Variants in AFF2 observed in about 807,000 individuals in gnomAD.
The protein encoded by AFF2 is AF4/FMR2 family member 2.
Under a neutral mutation model 76.9 loss-of-function variants are expected in AFF2, and 14 were observed. The ratio of observed to expected loss-of-function variants is 0.18; its 90% CI spans 0.12 to 0.28. The LOEUF is 0.28. Among genes scored for constraint, AFF2 ranks in the 10% least tolerant of loss-of-function variants. The pLI is 1.00. For missense variants in AFF2, 868 were observed against 1,001.1 expected, an observed-to-expected ratio of 0.87 and a Z score of 1.79; for synonymous variants, 398 against 366.7, an observed-to-expected ratio of 1.09 and a Z score of -0.98.
chrX:148,668,094 G>A (rs2054378496), intron 3 of AFF2, among the ~76,000 whole-genome samples: 1 of 112,876 alleles, frequency 8.9e-6, no homozygotes, highest in South Asian at 3.6e-4. Context: ...AAACAAAGGG[G>A]CTACAGGCCC....
intron 12 of AFF2, among the ~76,000 whole-genome samples, chrX:148,959,904 T>C (rs781890294): frequency 8.9e-6 from 1 of 112,697 alleles, no homozygotes; most frequent in South Asian, 3.7e-4. Context: ...CTTGGACCAG[T>C]TTGGGCCATC....
chrX:148,842,093 G>A (rs1232287841), intron 5 of AFF2, among the ~76,000 whole-genome samples: 2 of 112,441 alleles, frequency 1.8e-5, no homozygotes, highest in African/African-American at 6.5e-5. Flanking sequence ...TTGGAACAAT[G>A]ATTGATATAA....
At chrX:148,774,927 T>C (rs1186867431) in intron 3 of AFF2, among the ~76,000 whole-genome samples, 1 of 112,173 alleles carries the variant, frequency 8.9e-6, no homozygotes, top group Non-Finnish European at 1.9e-5. Context: ...TGGACTTTAT[T>C]GGACTTGAAC....
At chrX:148,894,904 T>C (rs1557280145) in intron 8 of AFF2, among the ~76,000 whole-genome samples, 1 of 110,755 alleles carries the variant, frequency 9.0e-6, no homozygotes, top group African/African-American at 3.3e-5. Context: ...TAGATATATA[T>C]ATATATACAC....
chrX:148,641,507 T>C (rs967577894), intron 1 of AFF2, among the ~76,000 whole-genome samples: 31 of 110,715 alleles, frequency 2.8e-4, no homozygotes, highest in Non-Finnish European at 2.3e-4. Context: ...ATGAATCGAG[T>C]GCAATATAGA....
In AFF2 at chrX:148,706,306, A is replaced by G. The variant is rs917885622; in HGVS notation, c.1041+43538A>G. Among the ~76,000 whole-genome samples the G allele has an allele frequency of 5.6e-4, 63 of 112,230 alleles. 2 individuals carry two copies. Among genetic ancestry groups the G allele is most frequent in the African/African-American group, 1.8e-3 (56 of 30,854 alleles). Reference sequence around the variant, plus strand: ...TTTCGGAACCTGTCCATTCGGCAAGAAAACAAGTCATTCACCTTTGCATAT... The same window carrying G: ...TTTCGGAACCTGTCCATTCGGCAAGGAAACAAGTCATTCACCTTTGCATAT... On this transcript the variant is annotated intron_variant, in intron 3 of 20. Coordinates refer to ENST00000370460, the MANE Select transcript of AFF2 (RefSeq NM_002025.4).
chrX:148,529,230 C>T, intron 1 of AFF2, among the ~76,000 whole-genome samples: 1 of 111,634 alleles, frequency 9.0e-6, no homozygotes, highest in African/African-American at 3.3e-5. Context: ...CTGTGGTAGC[C>T]CAGTGCTGGC....
At chrX:148,768,521 C>T (rs1158996614) in intron 3 of AFF2, among the ~76,000 whole-genome samples, 1 of 110,943 alleles carries the variant, frequency 9.0e-6, no homozygotes, top group Non-Finnish European at 1.9e-5. Flanking sequence ...GGCTTTCACA[C>T]TGGGCCAAAA....
intron 7 of AFF2, among the ~76,000 whole-genome samples, chrX:148,883,068 A>T (rs1417876798): frequency 9.0e-6 from 1 of 111,506 alleles, no homozygotes; most frequent in Non-Finnish European, 1.9e-5. Context: ...AGTGCATTTC[A>T]TCTCCATGTT....
At chrX:148,621,730 C>T (rs892722471) in intron 1 of AFF2, among the ~76,000 whole-genome samples, 2 of 111,052 alleles carry the variant, frequency 1.8e-5, no homozygotes, top group African/African-American at 3.3e-5. Context: ...TAGGATCATC[C>T]ATTCATTTAT....
intron 1 of AFF2, among the ~76,000 whole-genome samples, chrX:148,586,636 T>C (rs1557245960): frequency 8.9e-6 from 1 of 112,241 alleles, no homozygotes; most frequent in African/African-American, 3.2e-5. Flanking sequence ...ATTTAGAGAA[T>C]AGGACAGATA....
intron 3 of AFF2, among the ~76,000 whole-genome samples, chrX:148,681,039 A>T (rs782605773): frequency 9.0e-6 from 1 of 111,666 alleles, no homozygotes; most frequent in East Asian, 2.8e-4. Flanking sequence ...CAGAGTTGAG[A>T]CCTTTGCGGT....
intron 7 of AFF2, among the ~76,000 whole-genome samples, chrX:148,879,020 A>T (rs934744308): frequency 1.1e-4 from 12 of 112,205 alleles, no homozygotes; most frequent in African/African-American, 3.9e-4. Context: ...ATTCTAAGGA[A>T]TTCCAAGGTT....
intron 3 of AFF2, among the ~76,000 whole-genome samples, chrX:148,735,762 A>G (rs1412236279): frequency 9.1e-6 from 1 of 109,903 alleles, no homozygotes; most frequent in Non-Finnish European, 1.9e-5. Flanking sequence ...TTTATCCCTC[A>G]CCCCTCTCCC....
chrX:148,642,073 A>G (rs2054095159), intron 1 of AFF2, among the ~76,000 whole-genome samples: 1 of 112,175 alleles, frequency 8.9e-6, no homozygotes, highest in Admixed American at 9.4e-5. Context: ...AGTGTAACCT[A>G]GGGAAGAGTC....
In AFF2 at chrX:148,916,196, C is replaced by CTTTTTTTTTTTTTTTTTT. The variant is rs782508166; in HGVS notation, c.1397+11952_1397+11969dup. 8.8e-5 allele frequency among the ~76,000 whole-genome samples: 3 copies of CTTTTTTTTTTTTTTTTTT among 34,038 alleles called. 1 individual carries two copies. Among genetic ancestry groups the CTTTTTTTTTTTTTTTTTT allele is most frequent in the African/African-American group, 3.7e-4 (3 of 8,055 alleles). 29.6% of individuals were successfully genotyped at this position (34,038 alleles called of 115,157 possible). A position where few individuals can be genotyped will look rare whatever the true frequency, so the allele number is the denominator to read the frequency against. On this transcript the variant is annotated intron_variant, in intron 9 of 20. Coordinates refer to ENST00000370460, the MANE Select transcript of AFF2 (RefSeq NM_002025.4). ...AATAGACTTTTGAATGTGGTTTTAA[C>CTTTTTTTTTTTTTTTTTT]TTTTTTTTTTTTTTTTTTTTTTTTT... is the stretch of plus-strand genomic sequence containing the variant.
In AFF2 at chrX:148,962,912, C is replaced by T; in HGVS notation, c.2888C>T (p.Ala963Val). 8.4e-7 allele frequency: 1 copy of T among 1,194,004 alleles called. No homozygotes were observed. Among genetic ancestry groups the T allele is most frequent in the Non-Finnish European group, 1.1e-6 (1 of 879,691 alleles). The stretch of plus-strand genomic sequence containing the variant: ...AAGAGAACTGAAGGCAAATTCTGTG[C>T]TACTTTCAAAGGGATATCGGTAAAT... Reference protein sequence around the residue: ...KPKRTEGKFCATFKGISVNEG... With the variant: ...KPKRTEGKFCVTFKGISVNEG... Residue 963 changes from alanine to valine, a missense_variant, in exon 13 of 21, where the codon GCT becomes GTT. Ala to Val is a moderately conservative substitution (Grantham distance 64). This residue lies in a region of AFF2 where 532 missense variants were observed against 564.2 expected (regional missense o/e 0.94). Transcript: ENST00000370460.
chrX:148,561,297 CAA>C (rs1179140827), intron 1 of AFF2, among the ~76,000 whole-genome samples: 4 of 111,911 alleles, frequency 3.6e-5, no homozygotes, highest in Admixed American at 9.4e-5. Flanking sequence ...TTTGGGAAAT[CAA>C]AGTCTCCTGG....
intron 7 of AFF2, among the ~76,000 whole-genome samples, chrX:148,871,315 C>T (rs781949379): frequency 4.5e-5 from 5 of 111,051 alleles, no homozygotes; most frequent in Admixed American, 9.5e-5. Flanking sequence ...CCTAACCCCT[C>T]GTGTCATGGT....
Sources: allele counts gnomAD v4.1 joint callset (sites outside exome capture counted in the v4.1 genomes callset), GRCh38; gene constraint gnomAD v4.1.1; regional missense constraint gnomAD v4.1.1; transcripts MANE v1.5; gene names NCBI Gene and HGNC (gene_info 2026-07-23, HGNC 2026-07-21).